SLC10A7: variants seen among roughly 807,000 people sequenced by gnomAD.
SLC10A7 encodes sodium/bile acid cotransporter 7.
A neutral mutation model predicts 43.2 loss-of-function variants in SLC10A7; 29 were observed. That is an observed-to-expected ratio of 0.67 (90% CI 0.50 to 0.92). The LOEUF is 0.92. SLC10A7 is among the 40% of genes least tolerant of loss of function. The pLI is 0.00. For synonymous variants in SLC10A7, 152 were observed against 144.8 expected (o/e 1.05, Z -0.35); for missense variants, 295 against 403.2 (o/e 0.73, Z 2.30).
intron 4 of SLC10A7, among the ~76,000 whole-genome samples, chr4:146,453,453 C>T (rs553148121): frequency 2.0e-5 from 3 of 152,004 alleles, no homozygotes; most frequent in Non-Finnish European, 2.9e-5. Flanking sequence ...TGAATGACTT[C>T]TCTGTTTCTT....
intron 5 of SLC10A7, among the ~76,000 whole-genome samples, chr4:146,329,274 T>A (rs1733371542): frequency 6.6e-6 from 1 of 152,194 alleles, no homozygotes; most frequent in African/African-American, 2.4e-5. Context: ...AACCTACTTT[T>A]CAGTTGTATT....
At chr4:146,498,612 A>T (rs1393698586) in intron 4 of SLC10A7, among the ~76,000 whole-genome samples, 1 of 152,230 alleles carries the variant, frequency 6.6e-6, no homozygotes, top group Non-Finnish European at 1.5e-5. Context: ...CTAATATTTA[A>T]ATAAAAATAG....
At chr4:146,298,744 T>G (rs1389104403) in intron 7 of SLC10A7, among the ~76,000 whole-genome samples, 8 of 152,224 alleles carry the variant, frequency 5.3e-5, no homozygotes, top group Non-Finnish European at 7.3e-5. Flanking sequence ...GCACAAATTT[T>G]CTTTCTTTCT....
intron 4 of SLC10A7, among the ~76,000 whole-genome samples, chr4:146,464,543 C>A (rs115194550): frequency 6.6e-6 from 1 of 151,652 alleles, no homozygotes; most frequent in African/African-American, 2.4e-5. Flanking sequence ...AGAGAAGTCA[C>A]AATGCAATGT....
rs151181570 is a variant in SLC10A7, at chr4:146,310,283, T to C, written c.472-4274A>G. Among the ~76,000 whole-genome samples the C allele has an allele frequency of 2.0e-3, 297 of 152,256 alleles. 1 individual carries two copies. In the Middle Eastern group the frequency reaches 0.02, roughly 10 times the overall value. On this transcript the variant is annotated intron_variant, in intron 6 of 11. Transcript: ENST00000335472. The stretch of plus-strand genomic sequence containing the variant: ...ATTTTGAATAGTGCAGTGATGAACA[T>C]GTGAGTGTATGTATCTTTTTGATAG...
intron 5 of SLC10A7, among the ~76,000 whole-genome samples, chr4:146,334,356 C>T (rs1733737128): frequency 6.6e-6 from 1 of 151,918 alleles, no homozygotes. Flanking sequence ...TTATTGAAGG[C>T]TAGATGAAAA....
chr4:146,511,193 G>A (rs1737433575), intron 2 of SLC10A7, among the ~76,000 whole-genome samples: 1 of 152,026 alleles, frequency 6.6e-6, no homozygotes, highest in Non-Finnish European at 1.5e-5. Flanking sequence ...AAGAAACCAG[G>A]CACACGTTAT....
At chr4:146,474,214 A>G (rs1733847988) in intron 4 of SLC10A7, among the ~76,000 whole-genome samples, 1 of 152,142 alleles carries the variant, frequency 6.6e-6, no homozygotes, top group Admixed American at 6.6e-5. Context: ...ACACAACAAT[A>G]TATTGTTGAT....
chr4:146,296,715 T>C (rs17021355), intron 7 of SLC10A7, among the ~76,000 whole-genome samples: 84 of 152,276 alleles, frequency 5.5e-4, no homozygotes, highest in Non-Finnish European at 1.0e-4. Context: ...GCATAGAGCT[T>C]TTCCATCTTC....
At chr4:146,418,650 C>T (rs1304599603) in intron 5 of SLC10A7, among the ~76,000 whole-genome samples, 3 of 152,148 alleles carry the variant, frequency 2.0e-5, no homozygotes, top group African/African-American at 7.2e-5. Context: ...TTCCTACTCT[C>T]TCTTACCACT....
intron 5 of SLC10A7, among the ~76,000 whole-genome samples, chr4:146,413,284 T>TTA (rs1728330214): frequency 6.6e-6 from 1 of 152,142 alleles, no homozygotes; most frequent in Non-Finnish European, 1.5e-5. Flanking sequence ...CATTATTTAC[T>TTA]TCTTTAGCTT....
chr4:146,278,368 A>G lies in SLC10A7; in HGVS notation c.847+4824T>C, dbSNP rs144943252. The stretch of plus-strand genomic sequence containing the variant: ...TAGGCTTTGTGTGGAAAATAATACC[A>G]GAAATGCAAACTTTTGTATTTCAAA... On this transcript the variant is annotated intron_variant, in intron 10 of 11. Transcript: ENST00000335472. 3.8e-3 allele frequency among the ~76,000 whole-genome samples: 582 copies of G among 152,276 alleles called. 2 individuals carry two copies. Among genetic ancestry groups the G allele is most frequent in the African/African-American group, 0.013 (530 of 41,566 alleles).
At chr4:146,465,571 C>A (rs1278003657) in intron 4 of SLC10A7, among the ~76,000 whole-genome samples, 1 of 152,042 alleles carries the variant, frequency 6.6e-6, no homozygotes, top group Admixed American at 6.6e-5. Flanking sequence ...GTGTTTCTTG[C>A]AAAGTTACTG....
chr4:146,416,041 C>G (rs1728536773), intron 5 of SLC10A7, among the ~76,000 whole-genome samples: 1 of 152,214 alleles, frequency 6.6e-6, no homozygotes, highest in African/African-American at 2.4e-5. Context: ...CAGACATACT[C>G]TATACCTATT....
chr4:146,314,656 T>A (rs995505984), intron 6 of SLC10A7, among the ~76,000 whole-genome samples: 3 of 152,104 alleles, frequency 2.0e-5, no homozygotes, highest in African/African-American at 7.2e-5. Context: ...TATATGAAGA[T>A]GGTGTCATCT....
chr4:146,337,506 T>C (rs1733971650), intron 5 of SLC10A7, among the ~76,000 whole-genome samples: 1 of 150,798 alleles, frequency 6.6e-6, no homozygotes, highest in African/African-American at 2.5e-5. Context: ...GGCCTGAATA[T>C]TATACATAGG....
chr4:146,460,707 C>T (rs1033780542), intron 4 of SLC10A7, among the ~76,000 whole-genome samples: 2 of 151,786 alleles, frequency 1.3e-5, no homozygotes, highest in African/African-American at 4.8e-5. Context: ...AATTTTTTGT[C>T]CTGATGGCAA....
chr4:146,345,440 T>C (rs1734554393), intron 5 of SLC10A7, among the ~76,000 whole-genome samples: 1 of 152,200 alleles, frequency 6.6e-6, no homozygotes. Flanking sequence ...TATCTGCTCC[T>C]GCCTACATTT....
At chr4:146,278,542 A>G (rs1729350371) in intron 10 of SLC10A7, among the ~76,000 whole-genome samples, 1 of 152,186 alleles carries the variant, frequency 6.6e-6, no homozygotes, top group South Asian at 2.1e-4. Context: ...GACAGTTTGG[A>G]GGGTCTGAAG....
Sources: gnomAD v4.1 joint callset for allele counts (sites outside exome capture counted in the v4.1 genomes callset) on GRCh38, gnomAD v4.1.1 for gene constraint, MANE v1.5 for transcripts, NCBI Gene and HGNC (gene_info 2026-07-23, HGNC 2026-07-21) for gene names.